The following MPRIP variants were observed in gnomAD, a reference collection of about 807,000 sequenced individuals.
MPRIP encodes the protein myosin phosphatase Rho-interacting protein.
In MPRIP, 59 loss-of-function variants were observed where a neutral mutation model predicts 234.9. The observed-to-expected ratio is 0.25, with a 90% confidence interval of 0.20 to 0.31. The LOEUF (loss-of-function observed/expected upper bound fraction) is 0.31. Ranked by LOEUF, MPRIP falls within the 10% of genes least tolerant of loss-of-function variation. The probability of loss-of-function intolerance (pLI) is 1.00; values close to 1 mark genes in which losing one functional copy is unlikely to be tolerated. For synonymous variants in MPRIP, 1,144 were observed against 1,263.9 expected, an observed-to-expected ratio of 0.91 and a Z score of 2.01; for missense variants, 2,436 against 3,071.0, an observed-to-expected ratio of 0.79 and a Z score of 4.89.
chr17:17,169,171 A>G (rs577356819), intron 16 of MPRIP: 2 of 373,286 alleles, frequency 5.4e-6, no homozygotes, highest in Admixed American at 3.3e-5. Flanking sequence ...AAGTGTGTGT[A>G]TATGATGGCA....
chr17:17,063,712 C>A (rs947156286), intron 1 of MPRIP, among the ~76,000 whole-genome samples: 1 of 152,228 alleles, frequency 6.6e-6, no homozygotes, highest in Non-Finnish European at 1.5e-5. Context: ...CGTTAGAGAT[C>A]TTGTCACCGA....
intron 15 of MPRIP, among the ~76,000 whole-genome samples, chr17:17,162,501 T>C (rs532741582): frequency 6.6e-6 from 1 of 152,332 alleles, no homozygotes; most frequent in Admixed American, 6.5e-5. Flanking sequence ...CTGCCCCACA[T>C]GCCCTAGACT....
At chr17:17,108,859 C>T (rs1018387829) in intron 3 of MPRIP, among the ~76,000 whole-genome samples, 2 of 152,272 alleles carry the variant, frequency 1.3e-5, no homozygotes, top group South Asian at 2.1e-4. Context: ...CGCCCTCTCC[C>T]TCTCAGGCTC....
intron 5 of MPRIP, 50 bp downstream of exon 5, chr17:17,131,751 G>A: frequency 1.9e-6 from 3 of 1,553,304 alleles, no homozygotes; most frequent in South Asian, 1.1e-5. Context: ...GCCAGGGCTT[G>A]GGAAGAAGTG....
intron 14 of MPRIP, among the ~76,000 whole-genome samples, chr17:17,159,897 A>G (rs2144604712): frequency 6.6e-6 from 1 of 152,344 alleles, no homozygotes; most frequent in African/African-American, 2.4e-5. Flanking sequence ...TATGAGGCTG[A>G]GTTACCACCA....
chr17:17,159,544 G>C (rs766167937), intron 14 of MPRIP, among the ~76,000 whole-genome samples: 18 of 152,198 alleles, frequency 1.2e-4, no homozygotes, highest in Non-Finnish European at 2.6e-4. Flanking sequence ...GTGGATGAAG[G>C]CTGCCCTGTG....
rs2088807100 is a variant in MPRIP at position 17,059,474 on chromosome 17, G to A, written c.124-16236G>A. Among the ~76,000 whole-genome samples, 4 of 152,258 alleles carry A rather than the reference G, an allele frequency of 2.6e-5. No homozygotes were observed. The South Asian group carries it at 8.3e-4, about 31-fold the overall frequency. ...CATGCCGGCCTCTATAGGAGGGGCAGTGCAGTTCACTGTTCCAGGCTGCGC... is the reference window on the plus strand; with the variant it reads ...CATGCCGGCCTCTATAGGAGGGGCAATGCAGTTCACTGTTCCAGGCTGCGC... On this transcript the variant is annotated intron_variant, in intron 1 of 23. Coordinates refer to ENST00000651222, the MANE Select transcript of MPRIP (RefSeq NM_001364716.4).
chr17:17,105,884 T>C (rs11078372), intron 3 of MPRIP, among the ~76,000 whole-genome samples: 17,653 of 152,212 alleles, frequency 0.12, 1,401 homozygotes, highest in East Asian at 0.29. Context: ...TTAAAATAGT[T>C]TTTCCTACCC....
chr17:17,180,689 G>T (rs774819276), intron 23 of MPRIP: 35 of 1,603,692 alleles, frequency 2.2e-5, no homozygotes, highest in Non-Finnish European at 2.6e-5. Flanking sequence ...CTCTCCCACC[G>T]CCTGCATGCA....
chr17:17,114,992 G>A (rs947627992), intron 3 of MPRIP, among the ~76,000 whole-genome samples: 2 of 152,256 alleles, frequency 1.3e-5, no homozygotes, highest in African/African-American at 4.8e-5. Context: ...CCCTGAACGG[G>A]TCATTTCCTC....
At chr17:17,135,177 G>A (rs900130227) in intron 5 of MPRIP, among the ~76,000 whole-genome samples, 1 of 152,258 alleles carries the variant, frequency 6.6e-6, no homozygotes, top group African/African-American at 2.4e-5. Context: ...GAGGATCACA[G>A]CCCTGCTGTT....
At chr17:17,168,960 C>T (rs1261301683) in intron 16 of MPRIP, 1 of 456,978 alleles carries the variant, frequency 2.2e-6, no homozygotes, top group Non-Finnish European at 4.4e-6. Context: ...GCCCGTTACT[C>T]CTGTAGCTCT....
chr17:17,043,293 G>T (rs1465930963), intron 1 of MPRIP, among the ~76,000 whole-genome samples: 2 of 152,176 alleles, frequency 1.3e-5, no homozygotes, highest in Non-Finnish European at 2.9e-5. Context: ...ACCCCCCTGA[G>T]ATTCTGGCTT....
At chr17:17,064,828 A>G (rs2088973758) in intron 1 of MPRIP, among the ~76,000 whole-genome samples, 1 of 152,166 alleles carries the variant, frequency 6.6e-6, no homozygotes, top group African/African-American at 2.4e-5. Context: ...ATTCACATGT[A>G]GTTTTTGTGT....
Position 17,078,889 on chromosome 17 carries a change from G to T in MPRIP, c.267+813G>T, listed in dbSNP as rs2089397891. ...CCACTTGGTGGGTGAATGTTTGTGT[G>T]CCCATATGTGCAGCATTTTAAAATT... is the stretch of plus-strand genomic sequence containing the variant. On this transcript the variant is annotated intron_variant, in intron 3 of 23. Coordinates refer to ENST00000651222, the MANE Select transcript of MPRIP (RefSeq NM_001364716.4). This position sits in a 1 kb window ranked among gnomAD's most constrained non-coding sequence, Gnocchi z 4.3. Among the ~76,000 whole-genome samples, 1 of 152,210 alleles carries T rather than the reference G, an allele frequency of 6.6e-6. No homozygotes were observed. Among genetic ancestry groups the T allele is most frequent in the Non-Finnish European group, 1.5e-5 (1 of 68,046 alleles).
At position 17,049,432 on chromosome 17, in the gene MPRIP, G is replaced by GCT. The variant is rs931122255; in HGVS notation, c.123+6467_123+6468dup. Among the ~76,000 whole-genome samples, 7 of 152,248 alleles carry GCT rather than the reference G, an allele frequency of 4.6e-5. No homozygotes were observed. The East Asian group carries it at 1.3e-3, about 29-fold the overall frequency. ...GTCAGGGACTGTCTGTACAAGAATC[G>GCT]CTCTCTCACACACACACACCTGCCT... On this transcript the variant is annotated intron_variant, in intron 1 of 23. Coordinates refer to ENST00000651222, the MANE Select transcript of MPRIP (RefSeq NM_001364716.4).
Position 17,050,234 on chromosome 17 carries a change from G to GAA in MPRIP, c.123+7264_123+7265dup, listed in dbSNP as rs35792196. On this transcript the variant is annotated intron_variant, in intron 1 of 23. Coordinates refer to ENST00000651222, the MANE Select transcript of MPRIP (RefSeq NM_001364716.4). ...GGAGGCTGAGGCAGGAGAATGGTGT[G>GAA]AACCCGGGAGGCGGAGCTTGCAGTG... 2.9e-3 allele frequency among the ~76,000 whole-genome samples: 429 copies of GAA among 147,360 alleles called. 2 individuals carry two copies. The highest frequency in any genetic ancestry group is 6.2e-3 in the South Asian group (29 of 4,642).
intron 18 of MPRIP, among the ~76,000 whole-genome samples, chr17:17,173,564 T>C (rs1420549341): frequency 6.6e-6 from 1 of 152,248 alleles, no homozygotes; most frequent in East Asian, 1.9e-4. Flanking sequence ...AGCCTGGTCC[T>C]GGCTGTCAGA....
Position 17,161,045 on chromosome 17 carries a change from A to G in MPRIP, c.2401-195A>G, listed in dbSNP as rs543392537. 3.3e-5 allele frequency among the ~76,000 whole-genome samples: 5 copies of G among 152,324 alleles called. No individual in the cohort carries two copies. In the South Asian group the frequency reaches 1.0e-3, roughly 32 times the overall value. On this transcript the variant is annotated intron_variant, in intron 14 of 23. Coordinates refer to ENST00000651222, the MANE Select transcript of MPRIP (RefSeq NM_001364716.4). Reference sequence around the variant, plus strand: ...GTGCCCATAAGGTACCAAGTCTGCCATTGTTACTGATGGCTTGCATTGGAA... The same window carrying G: ...GTGCCCATAAGGTACCAAGTCTGCCGTTGTTACTGATGGCTTGCATTGGAA...
Sources: gnomAD v4.1 joint callset for allele counts (sites outside exome capture counted in the v4.1 genomes callset) on GRCh38, gnomAD v4.1.1 for gene constraint, Gnocchi (gnomAD v3.1) non-coding constraint, MANE v1.5 for transcripts, NCBI Gene and HGNC (gene_info 2026-07-23, HGNC 2026-07-21) for gene names.